The following MED27 variants were observed in gnomAD, a reference collection of about 807,000 sequenced individuals.
MED27 encodes mediator complex subunit 27, also known as mediator of RNA polymerase II transcription subunit 27.
In MED27, 30 loss-of-function variants were observed where a neutral mutation model predicts 38.2. That is an observed-to-expected ratio of 0.79 (90% CI 0.59 to 1.07). The LOEUF is 1.07. MED27 is among the 50% of genes least tolerant of loss of function. The pLI, the probability that MED27 is intolerant of heterozygous loss-of-function variation, is 0.00. For synonymous variants in MED27, 122 were observed against 153.5 expected (o/e 0.79, Z 1.52); for missense variants, 289 against 397.5 (o/e 0.73, Z 2.32).
At chr9:131,905,378 A>G (rs1371491239) in intron 4 of MED27, among the ~76,000 whole-genome samples, 2 of 152,232 alleles carry the variant, frequency 1.3e-5, no homozygotes, top group Non-Finnish European at 2.9e-5. Context: ...ACAGTAATGA[A>G]GCCTGCCTCA....
intron 2 of MED27, among the ~76,000 whole-genome samples, chr9:132,024,507 G>C (rs1052867911): frequency 6.6e-6 from 1 of 152,180 alleles, no homozygotes; most frequent in Non-Finnish European, 1.5e-5. Context: ...AAATTGATGA[G>C]AATGATCACC....
intron 2 of MED27, among the ~76,000 whole-genome samples, chr9:132,059,941 T>C (rs1833662855): frequency 6.6e-6 from 1 of 152,114 alleles, no homozygotes; most frequent in African/African-American, 2.4e-5. Context: ...CACTGAGTCT[T>C]CACAGACATC....
intron 3 of MED27, among the ~76,000 whole-genome samples, chr9:131,958,249 T>C (rs961102730): frequency 1.3e-4 from 18 of 136,136 alleles, no homozygotes; most frequent in African/African-American, 5.0e-4. Context: ...TTCAGTGGGG[T>C]TTTTTTTTTT....
intron 2 of MED27, among the ~76,000 whole-genome samples, chr9:132,020,588 C>G (rs997736643): frequency 6.6e-6 from 1 of 152,184 alleles, no homozygotes; most frequent in Non-Finnish European, 1.5e-5. Context: ...GTTGCAAGGA[C>G]CTTTGCCCCT....
At chr9:131,952,562 A>G (rs1831020358) in intron 3 of MED27, among the ~76,000 whole-genome samples, 1 of 152,092 alleles carries the variant, frequency 6.6e-6, no homozygotes. Context: ...GTGCCCCAAA[A>G]AGCTGACCCA....
At chr9:131,947,904 A>T (rs1830914639) in intron 3 of MED27, among the ~76,000 whole-genome samples, 1 of 152,254 alleles carries the variant, frequency 6.6e-6, no homozygotes, top group African/African-American at 2.4e-5. Context: ...GATATCAAGA[A>T]GGGAATCATT....
chr9:131,958,714 G>C, intron 3 of MED27, among the ~76,000 whole-genome samples: 1 of 152,210 alleles, frequency 6.6e-6, no homozygotes, highest in Middle Eastern at 3.2e-3. Flanking sequence ...AGCAGCTGCT[G>C]TATCACCTGT....
At chr9:131,882,954 C>T (rs1470238545) in intron 6 of MED27, among the ~76,000 whole-genome samples, 1 of 151,210 alleles carries the variant, frequency 6.6e-6, no homozygotes, top group Non-Finnish European at 1.5e-5. Flanking sequence ...GTCACCCAGG[C>T]TGGAGTGCAA....
intron 3 of MED27, among the ~76,000 whole-genome samples, chr9:131,989,986 G>C (rs184493468): frequency 5.7e-4 from 87 of 152,194 alleles, no homozygotes; most frequent in African/African-American, 2.0e-3. Flanking sequence ...TGCAACCAAG[G>C]CATTCCAAAT....
intron 4 of MED27, among the ~76,000 whole-genome samples, chr9:131,930,918 G>A (rs770837980): frequency 1.3e-5 from 2 of 152,072 alleles, no homozygotes; most frequent in Non-Finnish European, 2.9e-5. Context: ...TTGTTTGTTT[G>A]TTTATGCAAG....
rs539577700 is a variant in MED27, at chr9:131,943,621, G to A, written c.480-4147C>T. 3.9e-5 allele frequency among the ~76,000 whole-genome samples: 6 copies of A among 152,348 alleles called. No homozygotes were observed. The South Asian group carries it at 1.2e-3, about 32-fold the overall frequency. On this transcript the variant is annotated intron_variant, in intron 3 of 7. Coordinates refer to ENST00000292035, the MANE Select transcript of MED27 (RefSeq NM_004269.4). ...CCTTTGGAATATAGGCAAACAAGCA[G>A]TAACACAGCAGTGGTGACTAGTTTA...
chr9:131,873,073 C>T (rs1838864442), intron 6 of MED27, among the ~76,000 whole-genome samples: 1 of 152,176 alleles, frequency 6.6e-6, no homozygotes, highest in Non-Finnish European at 1.5e-5. Flanking sequence ...TAATGTTACA[C>T]AAGGAGATCA....
chr9:132,032,554 TAAATGATAAGAGGAAC>T (rs1245246161), intron 2 of MED27, among the ~76,000 whole-genome samples: 4 of 152,224 alleles, frequency 2.6e-5, no homozygotes, highest in Non-Finnish European at 5.9e-5. Context: ...TTTAATGACC[TAAATGATAAGAGGAAC>T]AAGAAGACAC....
At chr9:132,055,788 C>A (rs1326672604) in intron 2 of MED27, among the ~76,000 whole-genome samples, 1 of 152,204 alleles carries the variant, frequency 6.6e-6, no homozygotes, top group Non-Finnish European at 1.5e-5. Context: ...TTTAGTCAAA[C>A]CTCCACCACA....
intron 3 of MED27, among the ~76,000 whole-genome samples, chr9:132,012,590 C>T (rs994511552): frequency 2.0e-5 from 3 of 152,162 alleles, no homozygotes; most frequent in African/African-American, 4.8e-5. Context: ...ATCCCCCCGG[C>T]TCTTCACTGG....
chr9:132,032,069 G>C (rs894883397), intron 2 of MED27: 1 of 152,204 alleles, frequency 6.6e-6, no homozygotes, highest in African/African-American at 2.4e-5. Context: ...GGTGGATGTG[G>C]TAGGCGAGGC....
rs183270984 is a variant in MED27, at chr9:132,009,576, G to A, written c.479+4761C>T. On this transcript the variant is annotated intron_variant, in intron 3 of 7. Coordinates refer to ENST00000292035, the MANE Select transcript of MED27 (RefSeq NM_004269.4). ...AGAGGAACCGAGATCTCCTGCCAACGGCCAGCACCAACTTGCCTGCCATGT... is the reference window on the plus strand; with the variant it reads ...AGAGGAACCGAGATCTCCTGCCAACAGCCAGCACCAACTTGCCTGCCATGT... Among the ~76,000 whole-genome samples the A allele has an allele frequency of 7.2e-5, 11 of 152,252 alleles. No individual in the cohort carries two copies. In the South Asian group the frequency reaches 1.7e-3, roughly 23 times the overall value.
intron 4 of MED27, among the ~76,000 whole-genome samples, chr9:131,930,658 A>T (rs939521188): frequency 1.3e-5 from 2 of 152,220 alleles, no homozygotes; most frequent in Non-Finnish European, 2.9e-5. Context: ...AATGAGCAAT[A>T]AGAAATCATC....
At chr9:131,916,942 A>T (rs956774731) in intron 4 of MED27, among the ~76,000 whole-genome samples, 1 of 152,164 alleles carries the variant, frequency 6.6e-6, no homozygotes, top group Non-Finnish European at 1.5e-5. Flanking sequence ...CGGCCTGGAA[A>T]TAAGGGTAGG....
Sources: allele counts gnomAD v4.1 joint callset (sites outside exome capture counted in the v4.1 genomes callset), GRCh38; gene constraint gnomAD v4.1.1; transcripts MANE v1.5; gene names NCBI Gene and HGNC (gene_info 2026-07-23, HGNC 2026-07-21).